Variants in MAST2 observed in about 807,000 individuals in gnomAD.
MAST2 encodes the protein microtubule associated serine/threonine kinase 2.
Under a neutral mutation model 147.4 loss-of-function variants are expected in MAST2, and 70 were observed. The observed-to-expected ratio is 0.47, with a 90% CI of 0.39 to 0.58. The LOEUF (loss-of-function observed/expected upper bound fraction) is 0.58, where lower values mean the gene tolerates loss of function less well. Ranked by LOEUF, MAST2 falls within the 20% of genes least tolerant of loss-of-function variation. The pLI is 0.00. For synonymous variants in MAST2, 869 were observed against 896.8 expected (o/e 0.97, Z 0.55); for missense variants, 2,080 against 2,302.3 (o/e 0.90, Z 1.98).
intron 1 of MAST2, among the ~76,000 whole-genome samples, chr1:45,823,148 T>G (rs1644687618): frequency 6.6e-6 from 1 of 152,118 alleles, no homozygotes; most frequent in Non-Finnish European, 1.5e-5. Context: ...ATATTAGTAC[T>G]TACCCATTTT....
chr1:45,905,031 A>G (rs1345947878), intron 4 of MAST2, among the ~76,000 whole-genome samples: 1 of 151,834 alleles, frequency 6.6e-6, no homozygotes, highest in Non-Finnish European at 1.5e-5. Context: ...TCTTGGTCTC[A>G]TACTCCTGAG....
intron 1 of MAST2, among the ~76,000 whole-genome samples, chr1:45,819,332 C>T (rs1644551118): frequency 6.6e-6 from 1 of 151,000 alleles, no homozygotes; most frequent in South Asian, 2.1e-4. Context: ...TACGTTTGTA[C>T]CAACCTAGTA....
chr1:45,815,458 C>T (rs1644423958), intron 1 of MAST2, among the ~76,000 whole-genome samples: 1 of 152,112 alleles, frequency 6.6e-6, no homozygotes, highest in Non-Finnish European at 1.5e-5. Flanking sequence ...GTGTGAGCCA[C>T]CGTGACTGGT....
chr1:46,030,843 G>T, intron 22 of MAST2, 82 bp downstream of exon 22: 1 of 1,482,630 alleles, frequency 6.7e-7, no homozygotes, highest in East Asian at 2.4e-5. Flanking sequence ...TCCGATGCCA[G>T]GGAGGAGTGC....
Position 45,935,883 on chromosome 1 carries a change from T to C in MAST2, c.501-23503T>C, listed in dbSNP as rs577255946. 5.3e-5 allele frequency among the ~76,000 whole-genome samples: 8 copies of C among 152,318 alleles called. No homozygotes were observed. The South Asian group carries it at 1.7e-3, about 32-fold the overall frequency. The stretch of plus-strand genomic sequence containing the variant: ...GATTGCCTTGGCTATTTGGGCTCTT[T>C]TTTGGTCCCATATGATTTTTAGAAT... On this transcript the variant is annotated intron_variant, in intron 4 of 28. Coordinates refer to ENST00000361297, the MANE Select transcript of MAST2 (RefSeq NM_015112.3).
intron 4 of MAST2, among the ~76,000 whole-genome samples, chr1:45,933,259 A>C: frequency 6.7e-6 from 1 of 149,662 alleles, no homozygotes; most frequent in African/African-American, 2.5e-5. Flanking sequence ...GGGGGGGCAA[A>C]TGTTGATGGT....
chr1:45,909,434 G>A (rs979125956), intron 4 of MAST2, among the ~76,000 whole-genome samples: 1 of 151,770 alleles, frequency 6.6e-6, no homozygotes, highest in Admixed American at 6.6e-5. Flanking sequence ...TTAAACCATC[G>A]GAGGAGAGGG....
intron 3 of MAST2, among the ~76,000 whole-genome samples, chr1:45,832,935 C>T (rs1050320813): frequency 7.2e-5 from 11 of 152,126 alleles, no homozygotes; most frequent in African/African-American, 2.2e-4. Context: ...TCAGGTATCA[C>T]CTCCTCATTG....
At position 45,937,166 on chromosome 1, in the gene MAST2, G is replaced by A. The variant is rs75510223; in HGVS notation, c.501-22220G>A. Among the ~76,000 whole-genome samples the A allele has an allele frequency of 9.2e-4, 140 of 151,690 alleles. 1 individual carries two copies. The East Asian group carries it at 0.026, about 28-fold the overall frequency. On this transcript the variant is annotated intron_variant, in intron 4 of 28. Coordinates refer to ENST00000361297, the MANE Select transcript of MAST2 (RefSeq NM_015112.3). ...GCCCAGGGTGATCCTAAACCCCTGGGCTCAAGTGATCCTTCCACTTCAGCC... is the reference window on the plus strand; with the variant it reads ...GCCCAGGGTGATCCTAAACCCCTGGACTCAAGTGATCCTTCCACTTCAGCC...
intron 10 of MAST2, among the ~76,000 whole-genome samples, chr1:46,017,016 C>T (rs1245137361): frequency 7.9e-5 from 12 of 151,398 alleles, no homozygotes; most frequent in Admixed American, 2.6e-4. Context: ...TCAGAAATAA[C>T]GCTGCATATC....
At chr1:45,820,891 C>CTTTTTTTTTTT (rs1644603466) in intron 1 of MAST2, among the ~76,000 whole-genome samples, 1 of 68,152 alleles carries the variant, frequency 1.5e-5, no homozygotes, top group African/African-American at 5.6e-5. Context: ...CTCTTTCTTT[C>CTTTTTTTTTTT]TCTTTTTTTT....
Position 46,023,421 on chromosome 1 carries a change from G to A in MAST2, c.1571+103G>A, listed in dbSNP as rs570937210. On this transcript the variant is annotated intron_variant, in intron 14 of 28. Coordinates refer to ENST00000361297, the MANE Select transcript of MAST2 (RefSeq NM_015112.3). The surrounding 1 kb of genome is among the most constrained non-coding windows in gnomAD (Gnocchi z 4.9). Reference sequence around the variant, plus strand: ...GCCCAGTCCTCTGGGCAGATGCCTCGGGGTGGACCTTCTCACTCCCAGAAG... The same window carrying A: ...GCCCAGTCCTCTGGGCAGATGCCTCAGGGTGGACCTTCTCACTCCCAGAAG... 12 of 1,073,936 alleles carry A rather than the reference G, an allele frequency of 1.1e-5. No homozygotes were observed. Among genetic ancestry groups the A allele is most frequent in the African/African-American group, 6.3e-5 (4 of 63,596 alleles). 66.5% of individuals were successfully genotyped at this position (1,073,936 alleles called of 1,614,324 possible). A position where few individuals can be genotyped will look rare whatever the true frequency, so the allele number is the denominator to read the frequency against.
At chr1:45,943,725 A>C (rs1001027788) in intron 4 of MAST2, among the ~76,000 whole-genome samples, 1 of 152,176 alleles carries the variant, frequency 6.6e-6, no homozygotes, top group Admixed American at 6.5e-5. Flanking sequence ...CAGCCTGGGC[A>C]ACAAGAGCAA....
chr1:46,030,203 C>G lies in MAST2; in HGVS notation c.2518C>G (p.Arg840Gly), dbSNP rs549114023. 6.2e-7 allele frequency: 1 copy of G among 1,614,076 alleles called. No homozygotes were observed. The highest frequency in any genetic ancestry group is 8.5e-7 in the Non-Finnish European group (1 of 1,180,038). ...GAGTGAGGATGGCTGCCTTGAGATCCGCCAGTTCTCTTCCTGCTCTCCAAG... is the reference window on the plus strand; with the variant it reads ...GAGTGAGGATGGCTGCCTTGAGATCGGCCAGTTCTCTTCCTGCTCTCCAAG... ...EVSEDGCLEI[R>G]QFSSCSPRFN... Residue 840 changes from arginine to glycine, a missense_variant, in exon 21 of 29, where the codon CGC becomes GGC. Around this residue, in one of 4 missense-constraint regions of MAST2, gnomAD observed 1,278 missense variants for 1,304.2 expected, o/e 0.98. Coordinates refer to ENST00000361297, the MANE Select transcript of MAST2 (RefSeq NM_015112.3).
intron 11 of MAST2, among the ~76,000 whole-genome samples, chr1:46,020,278 G>A (rs570485163): frequency 3.9e-5 from 6 of 152,308 alleles, no homozygotes; most frequent in South Asian, 4.1e-4. Flanking sequence ...CCTGGGGGAC[G>A]TGAGGCTTAT....
intron 12 of MAST2, 128 bp from the exon 13 acceptor site, chr1:46,022,782 A>G: frequency 1.4e-6 from 1 of 735,636 alleles, no homozygotes; most frequent in South Asian, 1.6e-5. Flanking sequence ...ATGGGACTGA[A>G]TTCACATCCT....
intron 26 of MAST2, among the ~76,000 whole-genome samples, chr1:46,033,044 C>G (rs953780046): frequency 6.6e-6 from 1 of 151,254 alleles, no homozygotes; most frequent in African/African-American, 2.4e-5. Context: ...TTTGGGAGGC[C>G]GAGGCGGGTG....
intron 4 of MAST2, among the ~76,000 whole-genome samples, chr1:45,935,871 A>G (rs1458737763): frequency 1.3e-5 from 2 of 152,150 alleles, no homozygotes; most frequent in East Asian, 1.9e-4. Flanking sequence ...TGCCTTGGCT[A>G]TTTGGGCTCT....
At chr1:45,909,991 C>G (rs1651422079) in intron 4 of MAST2, among the ~76,000 whole-genome samples, 1 of 152,184 alleles carries the variant, frequency 6.6e-6, no homozygotes, top group Non-Finnish European at 1.5e-5. Flanking sequence ...TCCCAAAGTG[C>G]TGGGATTACA....
Sources: gnomAD v4.1 joint callset for allele counts (sites outside exome capture counted in the v4.1 genomes callset) on GRCh38, gnomAD v4.1.1 for gene constraint, gnomAD v4.1.1 regional missense constraint, Gnocchi (gnomAD v3.1) non-coding constraint, MANE v1.5 for transcripts, NCBI Gene and HGNC (gene_info 2026-07-23, HGNC 2026-07-21) for gene names.